Variants in CSMD3 observed in about 807,000 individuals in gnomAD.
CSMD3 encodes the protein CUB and Sushi multiple domains 3, also known as CUB and sushi domain-containing protein 3.
Under a neutral mutation model 435.2 loss-of-function variants are expected in CSMD3, and 177 were observed. That is an observed-to-expected ratio of 0.41 (90% CI 0.36 to 0.46). The LOEUF (loss-of-function observed/expected upper bound fraction) is 0.46, where lower values mean the gene tolerates loss of function less well. Among genes scored for constraint, CSMD3 ranks in the 20% least tolerant of loss-of-function variants. CSMD3 has a pLI of 0.34. For synonymous variants in CSMD3, 1,656 were observed against 1,520.5 expected (o/e 1.09, Z -2.07); for missense variants, 4,265 against 4,504.6 (o/e 0.95, Z 1.52).
rs192188477 is a variant in CSMD3, at chr8:112,495,420, C to G, written c.5084-2737G>C. ...GTCAGTGAAACTGTAATGCAAGCAT[C>G]CGGTTTTTTGAGGAAAGGGACACAT... On this transcript the variant is annotated intron_variant, in intron 30 of 70. Transcript: ENST00000297405. Among the ~76,000 whole-genome samples, 63 of 152,226 alleles carry G rather than the reference C, an allele frequency of 4.1e-4. 1 individual carries two copies. The East Asian group carries it at 4.8e-3, about 12-fold the overall frequency.
chr8:112,897,899 A>G (rs991102375), intron 10 of CSMD3, among the ~76,000 whole-genome samples: 1 of 151,222 alleles, frequency 6.6e-6, no homozygotes, highest in African/African-American at 2.4e-5. Context: ...TTCAGGTTTT[A>G]TTATTATTGT....
At chr8:112,945,276 C>T (rs2083568217) in intron 9 of CSMD3, among the ~76,000 whole-genome samples, 1 of 151,638 alleles carries the variant, frequency 6.6e-6, no homozygotes, top group Non-Finnish European at 1.5e-5. Context: ...ACACCATAGT[C>T]CAAATCTCCA....
chr8:112,256,903 C>T (rs931542789), intron 61 of CSMD3, among the ~76,000 whole-genome samples: 2 of 152,024 alleles, frequency 1.3e-5, no homozygotes, highest in African/African-American at 4.8e-5. Flanking sequence ...CCTAAATGTA[C>T]AAGAGATCGA....
At chr8:113,295,154 C>A (rs1026361160) in intron 2 of CSMD3, among the ~76,000 whole-genome samples, 2 of 152,068 alleles carry the variant, frequency 1.3e-5, no homozygotes, top group Non-Finnish European at 2.9e-5. Flanking sequence ...TCACCCCAAG[C>A]ATTTATCATT....
intron 11 of CSMD3, among the ~76,000 whole-genome samples, chr8:112,848,425 T>G (rs1039439376): frequency 1.3e-5 from 2 of 152,100 alleles, no homozygotes; most frequent in Admixed American, 1.3e-4. Flanking sequence ...AATTAATTAT[T>G]TTATTTATAC....
At chr8:112,393,830 T>A (rs1398833119) in intron 35 of CSMD3, among the ~76,000 whole-genome samples, 1 of 152,152 alleles carries the variant, frequency 6.6e-6, no homozygotes, top group African/African-American at 2.4e-5. Context: ...TTTGTTTGCT[T>A]GAACATCAGA....
chr8:112,671,773 T>G (rs987690701), intron 16 of CSMD3, among the ~76,000 whole-genome samples: 1 of 152,126 alleles, frequency 6.6e-6, no homozygotes, highest in Non-Finnish European at 1.5e-5. Context: ...CCAAAAGAAA[T>G]GTTTATTTAA....
intron 5 of CSMD3, among the ~76,000 whole-genome samples, chr8:113,020,992 A>G (rs1178567423): frequency 6.6e-6 from 1 of 152,216 alleles, no homozygotes; most frequent in Non-Finnish European, 1.5e-5. Flanking sequence ...GCCCATTAAA[A>G]TGTAAAATCA....
chr8:113,149,923 C>CA (rs2091766492), intron 4 of CSMD3, among the ~76,000 whole-genome samples: 1 of 151,462 alleles, frequency 6.6e-6, no homozygotes, highest in South Asian at 2.1e-4. Context: ...ACTTTCCTAA[C>CA]AAATAGGTCA....
At chr8:113,334,411 C>T (rs984043091) in intron 1 of CSMD3, among the ~76,000 whole-genome samples, 10 of 64,470 alleles carry the variant, frequency 1.6e-4, no homozygotes, top group African/African-American at 4.7e-4. Context: ...TAGAACTATC[C>T]TTGCATTTTT....
At chr8:113,198,785 C>T (rs2092687455) in intron 3 of CSMD3, among the ~76,000 whole-genome samples, 1 of 150,986 alleles carries the variant, frequency 6.6e-6, no homozygotes, top group Non-Finnish European at 1.5e-5. Flanking sequence ...GAAACTGCAG[C>T]CCATTTTTCT....
chr8:112,476,055 T>A (rs556213710), intron 31 of CSMD3, among the ~76,000 whole-genome samples: 1 of 152,334 alleles, frequency 6.6e-6, no homozygotes, highest in African/African-American at 2.4e-5. Context: ...TTTTTATTTT[T>A]ATTTTTTGAG....
At chr8:112,342,993 ATATATATTTATATATATATATATT>A (rs1825298139) in intron 41 of CSMD3, among the ~76,000 whole-genome samples, 2 of 26,146 alleles carry the variant, frequency 7.6e-5, no homozygotes, top group Admixed American at 6.2e-4. Flanking sequence ...ATATTTATAT[ATATATATTTATATATATATATATT>A]TATATATATA....
chr8:113,196,568 C>T (rs987007580), intron 3 of CSMD3, among the ~76,000 whole-genome samples: 17 of 150,948 alleles, frequency 1.1e-4, no homozygotes, highest in South Asian at 2.1e-4. Flanking sequence ...AAGAGCATGA[C>T]GAGGATTTTA....
chr8:112,758,865 G>C (rs1563932642), intron 13 of CSMD3, among the ~76,000 whole-genome samples: 3 of 152,016 alleles, frequency 2.0e-5, no homozygotes, highest in Non-Finnish European at 4.4e-5. Flanking sequence ...ACAAACTTAA[G>C]CAATGATTTG....
chr8:112,251,021 A>C (rs908126415), intron 63 of CSMD3, among the ~76,000 whole-genome samples: 1 of 151,752 alleles, frequency 6.6e-6, no homozygotes, highest in African/African-American at 2.4e-5. Flanking sequence ...GAACATTCTC[A>C]GTAAGCTCTA....
intron 5 of CSMD3, among the ~76,000 whole-genome samples, chr8:113,078,937 T>C (rs866665108): frequency 6.6e-6 from 1 of 152,142 alleles, no homozygotes; most frequent in Non-Finnish European, 1.5e-5. Context: ...TCCTAGTTAA[T>C]ATGTACCTGA....
chr8:113,434,885 A>T (rs186628130), intron 1 of CSMD3, among the ~76,000 whole-genome samples: 1 of 152,058 alleles, frequency 6.6e-6, no homozygotes, highest in East Asian at 1.9e-4. Context: ...CCTCCCCCTC[A>T]TCTGCCCCCG....
At chr8:112,542,987 T>C (rs1476046521) in intron 27 of CSMD3, among the ~76,000 whole-genome samples, 2 of 151,962 alleles carry the variant, frequency 1.3e-5, no homozygotes, top group Non-Finnish European at 1.5e-5. Context: ...GTACCAGGAA[T>C]GCACAAAGGG....
Sources: gnomAD v4.1 joint callset for allele counts (sites outside exome capture counted in the v4.1 genomes callset) on GRCh38, gnomAD v4.1.1 for gene constraint, MANE v1.5 for transcripts, NCBI Gene and HGNC (gene_info 2026-07-23, HGNC 2026-07-21) for gene names.